Variants in SCAP observed in about 807,000 individuals in gnomAD.
The protein encoded by SCAP is SREBF chaperone, also known as sterol regulatory element-binding protein cleavage-activating protein.
Under a neutral mutation model 123.6 loss-of-function variants are expected in SCAP, and 65 were observed. The observed-to-expected ratio is 0.53, with a 90% CI of 0.43 to 0.65. The LOEUF is 0.65. SCAP is among the 30% of genes least tolerant of loss of function. SCAP has a pLI of 0.00. For missense variants in SCAP, 1,398 were observed against 1,712.5 expected (o/e 0.82, Z 3.24); for synonymous variants, 740 against 726.3 (o/e 1.02, Z -0.30).
chr3:47,414,447 G>A lies in SCAP; in HGVS notation c.3388-61C>T, dbSNP rs983604061. 9 of 1,597,684 alleles carry A rather than the reference G, an allele frequency of 5.6e-6. No homozygotes were observed. The Admixed American group carries it at 8.4e-5, about 15-fold the overall frequency. On this transcript the variant is annotated intron_variant, in intron 21 of 22. Coordinates refer to ENST00000265565, the MANE Select transcript of SCAP (RefSeq NM_012235.4). ...GTGTAATACCTCTGTCAACAGTGGT[G>A]TCCCTGTGCCCCAGTGGGTGGGGCC... is the stretch of plus-strand genomic sequence containing the variant.
chr3:47,460,971 C>A (rs995376224), intron 1 of SCAP, among the ~76,000 whole-genome samples: 1 of 152,160 alleles, frequency 6.6e-6, no homozygotes, highest in East Asian at 1.9e-4. Flanking sequence ...CTCACCTGGG[C>A]CCCTTTTCCT....
intron 6 of SCAP, among the ~76,000 whole-genome samples, chr3:47,426,890 C>T (rs1262956377): frequency 2.0e-5 from 3 of 152,176 alleles, no homozygotes; most frequent in Non-Finnish European, 4.4e-5. Flanking sequence ...CTGCCCTAGG[C>T]TCAAGAGAGA....
intron 4 of SCAP, 133 bp downstream of exon 4, chr3:47,428,380 G>C: frequency 1.0e-6 from 1 of 968,418 alleles, no homozygotes; most frequent in Non-Finnish European, 1.6e-6. Flanking sequence ...TTCAAGGCTA[G>C]CTCACCCTCC....
chr3:47,425,705 G>C (rs1001905398), intron 7 of SCAP, 94 bp from the exon 8 acceptor site: 4 of 1,391,056 alleles, frequency 2.9e-6, no homozygotes, highest in Non-Finnish European at 4.0e-6. Context: ...AGTCGAGGAA[G>C]GGAAAACTCC....
Position 47,426,060 on chromosome 3 carries a change from C to T in SCAP, c.847G>A (p.Ala283Thr), listed in dbSNP as rs753592679. The change falls in exon 7 of 23, where the codon GCT becomes ACT. Residue 283 changes from alanine (A) to threonine (T), a missense_variant. Physicochemically the swap from Ala to Thr is moderately conservative, Grantham distance 58. Around this residue, in one of 7 missense-constraint regions of SCAP, gnomAD observed 319 missense variants for 432.4 expected, o/e 0.74. Transcript: ENST00000265565. ...HVHFKEEIGV[A>T]ELIPLVTTYI... ...GTGGTCACAAGGGGGATGAGCTCAG[C>T]GACACCAATCTCCTCCTTGAAGTGC... 2.5e-6 allele frequency: 4 copies of T among 1,614,146 alleles called. No homozygotes were observed. The highest frequency in any genetic ancestry group is 3.4e-6 in the Non-Finnish European group (4 of 1,179,998).
Position 47,417,634 on chromosome 3 carries a change from G to A in SCAP, c.2640C>T (p.Asn880=), listed in dbSNP as rs1304305773. 3.1e-6 allele frequency: 5 copies of A among 1,609,170 alleles called. No homozygotes were observed. Among genetic ancestry groups the A allele is most frequent in the Non-Finnish European group, 4.2e-6 (5 of 1,178,468 alleles). The change falls in exon 17 of 23, where the codon AAC becomes AAT. Residue 880 remains asparagine, a synonymous_variant. Coordinates refer to ENST00000265565, the MANE Select transcript of SCAP (RefSeq NM_012235.4). ...GTGAGGACCGAGGCTGCGCTGAAAA[G>A]TTGGTGTCAATTAAGCAGGTGAGGT... ...QPDLTCLIDT[N]FSAQPRSSQP...
At chr3:47,441,013 T>C (rs1328598389) in intron 2 of SCAP, among the ~76,000 whole-genome samples, 1 of 151,758 alleles carries the variant, frequency 6.6e-6, no homozygotes, top group South Asian at 2.1e-4. Context: ...GTGATTCTCC[T>C]GCCTCAGCCT....
chr3:47,475,364 A>C (rs1392616524), intron 1 of SCAP: 1 of 152,338 alleles, frequency 6.6e-6, no homozygotes, highest in Non-Finnish European at 1.5e-5. Flanking sequence ...AAGCAAAACC[A>C]GCAAAGCAAC....
At chr3:47,468,670 G>T (rs1196765387) in intron 1 of SCAP, among the ~76,000 whole-genome samples, 2 of 152,150 alleles carry the variant, frequency 1.3e-5, no homozygotes, top group African/African-American at 4.8e-5. Flanking sequence ...TCTGTAGGTT[G>T]CCTGTTCAGT....
At position 47,420,690 on chromosome 3, in the gene SCAP, C is replaced by T. The variant is rs202080098; in HGVS notation, c.1427G>A (p.Arg476Gln). The T allele has an allele frequency of 7.3e-5, 117 of 1,611,748 alleles. No individual in the cohort carries two copies. Among genetic ancestry groups the T allele is most frequent in the Middle Eastern group, 6.3e-4 (3 of 4,786 alleles). ...TGTGGACGGCCTCACAGCCAGCTGC[C>T]GCTCGTAGCGCGTTGGCTGTCCCAC... Reference protein sequence around the residue: ...KPVGQPTRYERQLAVRPSTPH... With the variant: ...KPVGQPTRYEQQLAVRPSTPH... The change falls in exon 12 of 23, where the codon CGG becomes CAG. Residue 476 changes from arginine to glutamine, a missense_variant. Physicochemically the swap from Arg to Gln is conservative, Grantham distance 43. This residue lies in a region of SCAP where 828 missense variants were observed against 882.5 expected (regional missense o/e 0.94). Coordinates refer to ENST00000265565, the MANE Select transcript of SCAP (RefSeq NM_012235.4). The surrounding 1 kb of genome is among the most constrained non-coding windows in gnomAD (Gnocchi z 5.0).
intron 1 of SCAP, among the ~76,000 whole-genome samples, chr3:47,461,660 A>G (rs979031699): frequency 6.6e-6 from 1 of 152,118 alleles, no homozygotes; most frequent in African/African-American, 2.4e-5. Context: ...TCTGGTTCCA[A>G]CTCCCAGCCC....
rs1460690887 is a variant in SCAP, at chr3:47,428,376, G to C, written c.410+137C>G. ...CCACAAGGATGCTGAGAAATTCAAG[G>C]CTAGCTCACCCTCCATCCTTCTTGC... On this transcript the variant is annotated intron_variant, in intron 4 of 22. Coordinates refer to ENST00000265565, the MANE Select transcript of SCAP (RefSeq NM_012235.4). 9.6e-6 allele frequency: 9 copies of C among 935,434 alleles called. No individual in the cohort carries two copies. In the East Asian group the frequency reaches 2.2e-4, roughly 23 times the overall value. 57.9% of individuals were successfully genotyped at this position (935,434 alleles called of 1,614,324 possible). A position where few individuals can be genotyped will look rare whatever the true frequency, so the allele number is the denominator to read the frequency against.
chr3:47,460,082 C>G (rs1034672824), intron 1 of SCAP, among the ~76,000 whole-genome samples: 1 of 152,202 alleles, frequency 6.6e-6, no homozygotes, highest in Non-Finnish European at 1.5e-5. Context: ...AAATATGGCT[C>G]TATTCTGCCA....
intron 1 of SCAP, among the ~76,000 whole-genome samples, chr3:47,465,156 G>C (rs1024102569): frequency 6.6e-6 from 1 of 151,700 alleles, no homozygotes; most frequent in Non-Finnish European, 1.5e-5. Flanking sequence ...TCATGGATTG[G>C]AAGATGATAT....
chr3:47,459,930 C>T (rs1707567476), intron 1 of SCAP, among the ~76,000 whole-genome samples: 1 of 152,152 alleles, frequency 6.6e-6, no homozygotes, highest in South Asian at 2.1e-4. Flanking sequence ...GACAGACACT[C>T]CCAGAGCGGC....
In SCAP at chr3:47,457,757, A is replaced by C. The variant is rs562139837; in HGVS notation, c.-98-14666T>G. 7.3e-5 allele frequency among the ~76,000 whole-genome samples: 11 copies of C among 150,792 alleles called. 1 individual carries two copies. The South Asian group carries it at 2.3e-3, about 32-fold the overall frequency. On this transcript the variant is annotated intron_variant, in intron 1 of 22. Coordinates refer to ENST00000265565, the MANE Select transcript of SCAP (RefSeq NM_012235.4). ...CCCGTCTCTACTAAAAATACAAAAAATTAGCTGGGCCTGGTGGCGGGTGCC... is the reference window on the plus strand; with the variant it reads ...CCCGTCTCTACTAAAAATACAAAAACTTAGCTGGGCCTGGTGGCGGGTGCC...
At position 47,417,550 on chromosome 3, in the gene SCAP, T is replaced by G; in HGVS notation, c.2724A>C (p.Pro908=). The G allele has an allele frequency of 6.3e-7, 1 of 1,576,590 alleles. No individual in the cohort carries two copies. Among genetic ancestry groups the G allele is most frequent in the Non-Finnish European group, 8.6e-7 (1 of 1,162,022 alleles). ...GCACCAGGCAGCTGAAGTCATAGCCTGGGGAGTCCCGAGAGCGGCCACAGA... is the reference window on the plus strand; with the variant it reads ...GCACCAGGCAGCTGAAGTCATAGCCGGGGGAGTCCCGAGAGCGGCCACAGA... ...RAVCGRSRDS[P]GYDFSCLVQR... is the part of the protein sequence containing the mutation. The change falls in exon 17 of 23, where the codon CCA becomes CCC. Residue 908 remains proline (P), a synonymous_variant. Coordinates refer to ENST00000265565, the MANE Select transcript of SCAP (RefSeq NM_012235.4).
At chr3:47,464,314 C>CT (rs1326480150) in intron 1 of SCAP, among the ~76,000 whole-genome samples, 3 of 151,720 alleles carry the variant, frequency 2.0e-5, no homozygotes, top group Non-Finnish European at 2.9e-5. Context: ...CTGCACCAGG[C>CT]TTTTTTTATT....
At position 47,420,642 on chromosome 3, in the gene SCAP, G is replaced by A. The variant is rs1335642476; in HGVS notation, c.1475C>T (p.Pro492Leu). Residue 492 changes from proline to leucine, a missense_variant, in exon 12 of 23, where the codon CCG becomes CTG. Physicochemically the swap from Pro to Leu is moderately conservative, Grantham distance 98. Transcript: ENST00000265565. This position sits in a 1 kb window ranked among gnomAD's most constrained non-coding sequence, Gnocchi z 5.0. ...GAGCCGCAGGTTTCGGAAGGAAGAC[G>A]GCTGCAACGTGATGGTGTGGGGTGT... ...PSTPHTITLQ[P>L]SSFRNLRLPK... 21 of 1,612,092 alleles carry A rather than the reference G, an allele frequency of 1.3e-5. No homozygotes were observed. The highest frequency in any genetic ancestry group is 1.8e-5 in the Non-Finnish European group (21 of 1,179,950).
Sources: gnomAD v4.1 joint callset for allele counts (sites outside exome capture counted in the v4.1 genomes callset) on GRCh38, gnomAD v4.1.1 for gene constraint, gnomAD v4.1.1 regional missense constraint, Gnocchi (gnomAD v3.1) non-coding constraint, MANE v1.5 for transcripts, NCBI Gene and HGNC (gene_info 2026-07-23, HGNC 2026-07-21) for gene names.